SEC23A: variants seen among roughly 807,000 people sequenced by gnomAD.
SEC23A encodes SEC23 homolog A, COPII component, also known as protein transport protein Sec23A.
A neutral mutation model predicts 103.7 loss-of-function variants in SEC23A; 56 were observed. The ratio of observed to expected loss-of-function variants is 0.54; its 90% CI spans 0.44 to 0.67. The LOEUF (loss-of-function observed/expected upper bound fraction) is 0.67, where lower values mean the gene tolerates loss of function less well. Among genes scored for constraint, SEC23A ranks in the 30% least tolerant of loss-of-function variants. The pLI, the probability that SEC23A is intolerant of heterozygous loss-of-function variation, is 0.00. For synonymous variants in SEC23A, 281 were observed against 293.0 expected (o/e 0.96, Z 0.42); for missense variants, 784 against 936.4 (o/e 0.84, Z 2.12).
At chr14:39,060,103 A>ATGTGTGTGTGTGTGTGCACACACATG (rs34799711) in intron 13 of SEC23A, among the ~76,000 whole-genome samples, 13 of 151,124 alleles carry the variant, frequency 8.6e-5, no homozygotes, top group African/African-American at 1.2e-4. Context: ...GTGCACACAC[A>ATGTGTGTGTGTGTGTGCACACACATG]TGTGTGTGTG....
At chr14:39,053,283 G>A (rs755810503) in intron 14 of SEC23A, among the ~76,000 whole-genome samples, 7 of 152,190 alleles carry the variant, frequency 4.6e-5, no homozygotes, top group Admixed American at 6.5e-5. Context: ...ACAGATTGAC[G>A]AGTTAACAGG....
Position 39,097,361 on chromosome 14 carries a change from G to C in SEC23A, c.-21-1222C>G, listed in dbSNP as rs183877557. ...CATTCAAGTGTTATGCAGCAGACAGGAAGGACGTCAAGTTGAAAGAAGTGA... is the reference window on the plus strand; with the variant it reads ...CATTCAAGTGTTATGCAGCAGACAGCAAGGACGTCAAGTTGAAAGAAGTGA... On this transcript the variant is annotated intron_variant, in intron 1 of 19. Coordinates refer to ENST00000307712, the MANE Select transcript of SEC23A (RefSeq NM_006364.4). Among the ~76,000 whole-genome samples the C allele has an allele frequency of 1.6e-3, 244 of 152,302 alleles. 1 individual carries two copies. Among genetic ancestry groups the C allele is most frequent in the Admixed American group, 0.014 (215 of 15,288 alleles).
intron 6 of SEC23A, 22 bp from the exon 7 acceptor site, chr14:39,085,928 A>G (rs775272053): frequency 1.2e-6 from 2 of 1,606,410 alleles, no homozygotes; most frequent in Middle Eastern, 1.7e-4. Context: ...AATTAAATAA[A>G]AAGCCATTTG....
At chr14:39,038,108 G>A (rs1885519543) in intron 19 of SEC23A, among the ~76,000 whole-genome samples, 1 of 152,060 alleles carries the variant, frequency 6.6e-6, no homozygotes, top group Non-Finnish European at 1.5e-5. Context: ...ACACATTTCC[G>A]TTTTATGTTC....
chr14:39,033,645 G>GGAGTGTCTTT (rs1232056853), intron 19 of SEC23A, among the ~76,000 whole-genome samples: 6 of 151,844 alleles, frequency 4.0e-5, no homozygotes, highest in African/African-American at 7.3e-5. Context: ...GCTTTTAAAA[G>GGAGTGTCTTT]AAAGCCTGAC....
At chr14:39,092,876 GT>G in intron 3 of SEC23A, 1 of 501,186 alleles carries the variant, frequency 2.0e-6, no homozygotes. Flanking sequence ...TTGTTTGTTT[GT>G]TTTTGAGACG....
In SEC23A at chr14:39,063,385, C is replaced by T. The variant is rs1378600769; in HGVS notation, c.1337G>A (p.Trp446Ter). ...NEIGTGGTCQ[W>*]KICGLSPTTT... ...AGTGGGACTAAGTCCACATATCTTC[C>T]ACTGACATGTGCCACCTGTTCCTAT... Residue 446 changes from tryptophan (W) to a stop codon, truncating the protein, a stop_gained, in exon 12 of 20, where the codon TGG becomes TAG. Coordinates refer to ENST00000307712, the MANE Select transcript of SEC23A (RefSeq NM_006364.4). LOFTEE classifies it high-confidence loss of function. 6.2e-7 allele frequency: 1 copy of T among 1,611,200 alleles called. No individual in the cohort carries two copies. Among genetic ancestry groups the T allele is most frequent in the Non-Finnish European group, 8.5e-7 (1 of 1,177,702 alleles).
intron 14 of SEC23A, among the ~76,000 whole-genome samples, chr14:39,052,020 A>G (rs2180214): frequency 0.93 from 140,574 of 151,680 alleles, 65,246 homozygotes; most frequent in East Asian, 0.97. Flanking sequence ...CACAGATGGA[A>G]TTGGAAGCCA....
At position 39,087,291 on chromosome 14, in the gene SEC23A, G is replaced by A. The variant is rs576433367; in HGVS notation, c.604-283C>T. Among the ~76,000 whole-genome samples, 5 of 152,248 alleles carry A rather than the reference G, an allele frequency of 3.3e-5. No individual in the cohort carries two copies. The South Asian group carries it at 1.0e-3, about 32-fold the overall frequency. On this transcript the variant is annotated intron_variant, in intron 5 of 19. Transcript: ENST00000307712. ...TTCTAATTAACAGTCAAAATAAATT[G>A]TTGTGTAACTTAAATGTCCATACTT...
intron 9 of SEC23A, among the ~76,000 whole-genome samples, chr14:39,073,675 T>C (rs1886915726): frequency 7.0e-6 from 1 of 143,294 alleles, no homozygotes; most frequent in South Asian, 2.2e-4. Context: ...AGTGGCATGA[T>C]CTCAGCTCAC....
intron 15 of SEC23A, among the ~76,000 whole-genome samples, chr14:39,046,965 T>C (rs1023332016): frequency 1.3e-5 from 2 of 152,222 alleles, no homozygotes; most frequent in Non-Finnish European, 2.9e-5. Flanking sequence ...CTGATTCCTA[T>C]TCTGTTTTCA....
intron 5 of SEC23A, chr14:39,091,095 T>C: frequency 2.4e-6 from 1 of 409,812 alleles, no homozygotes; most frequent in Non-Finnish European, 4.6e-6. Flanking sequence ...TTGGTCTTTT[T>C]GACTAAACCT....
intron 16 of SEC23A, 139 bp downstream of exon 16, chr14:39,045,024 C>A: frequency 1.4e-6 from 1 of 739,062 alleles, no homozygotes; most frequent in Non-Finnish European, 2.3e-6. Context: ...TAAGCGAATA[C>A]ATTAATAGGT....
intron 9 of SEC23A, among the ~76,000 whole-genome samples, chr14:39,074,214 G>A (rs1886933972): frequency 6.6e-6 from 1 of 152,132 alleles, no homozygotes; most frequent in South Asian, 2.1e-4. Context: ...TAGAAACAGG[G>A]TTGGACCTTT....
chr14:39,073,521 T>G (rs1886906836), intron 9 of SEC23A, among the ~76,000 whole-genome samples: 2 of 151,530 alleles, frequency 1.3e-5, no homozygotes, highest in African/African-American at 4.8e-5. Flanking sequence ...CTTGAACTCC[T>G]GACTTCAGAT....
chr14:39,057,378 G>T (rs929412744), intron 13 of SEC23A, among the ~76,000 whole-genome samples: 4 of 151,972 alleles, frequency 2.6e-5, no homozygotes, highest in African/African-American at 9.7e-5. Flanking sequence ...AAGAGACAAG[G>T]TCTCACTCTA....
Position 39,061,803 on chromosome 14 carries a change from A to C in SEC23A, c.1467T>G (p.Ser489Arg). ...IQFVTQYQHS[S>R]GQRRIRVTTI... Reference sequence around the variant, plus strand: ...TGGTCACTCGGATGCGTCTCTGCCCACTTGAATGCTGATACTGAGTCACAA... The same window carrying C: ...TGGTCACTCGGATGCGTCTCTGCCCCCTTGAATGCTGATACTGAGTCACAA... Residue 489 changes from serine (S) to arginine (R), a missense_variant, in exon 13 of 20, where the codon AGT becomes AGG. Physicochemically the swap from Ser to Arg is moderately radical, Grantham distance 110. Transcript: ENST00000307712. 6.2e-7 allele frequency: 1 copy of C among 1,613,840 alleles called. No individual in the cohort carries two copies. The highest frequency in any genetic ancestry group is 8.5e-7 in the Non-Finnish European group (1 of 1,179,736).
At chr14:39,050,949 C>T (rs927999929) in intron 14 of SEC23A, among the ~76,000 whole-genome samples, 6 of 152,176 alleles carry the variant, frequency 3.9e-5, no homozygotes, top group African/African-American at 1.4e-4. Context: ...TAGGTGATAA[C>T]GCACTTTAGT....
chr14:39,062,805 T>A (rs8003194), intron 12 of SEC23A, among the ~76,000 whole-genome samples: 140,867 of 152,006 alleles, frequency 0.93, 65,377 homozygotes, highest in East Asian at 0.97. Context: ...ACTATTAATA[T>A]ATAAGTCAGT....
Sources: gnomAD v4.1 joint callset for allele counts (sites outside exome capture counted in the v4.1 genomes callset) on GRCh38, gnomAD v4.1.1 for gene constraint, MANE v1.5 for transcripts, NCBI Gene and HGNC (gene_info 2026-07-23, HGNC 2026-07-21) for gene names.